Variants in CNTNAP1 observed in about 807,000 individuals in gnomAD.
CNTNAP1 encodes the protein contactin-associated protein 1.
A neutral mutation model predicts 161.5 loss-of-function variants in CNTNAP1; 80 were observed. That is an observed-to-expected ratio of 0.50 (90% CI 0.41 to 0.60). The LOEUF is 0.60. CNTNAP1 is among the 20% of genes least tolerant of loss of function. CNTNAP1 has a pLI of 0.00. For missense variants in CNTNAP1, 1,464 were observed against 1,854.8 expected (o/e 0.79, Z 3.87); for synonymous variants, 695 against 733.1 (o/e 0.95, Z 0.84).
chr17:42,684,885 A>G, intron 3 of CNTNAP1, 106 bp from the exon 4 acceptor site: 2 of 1,318,714 alleles, frequency 1.5e-6, no homozygotes, highest in Non-Finnish European at 1.0e-6. Context: ...AGATCGTACC[A>G]CCGCACTCCA....
chr17:42,697,456 T>C (rs2053165733), intron 21 of CNTNAP1, 89 bp downstream of exon 21: 2 of 1,606,240 alleles, frequency 1.2e-6, no homozygotes, highest in Non-Finnish European at 1.7e-6. Flanking sequence ...TGGGAATGGC[T>C]GAGGGCAGTG....
chr17:42,684,594 TG>T (rs2052980597), intron 3 of CNTNAP1, among the ~76,000 whole-genome samples: 1 of 151,968 alleles, frequency 6.6e-6, no homozygotes, highest in Non-Finnish European at 1.5e-5. Flanking sequence ...CGAGATTGGC[TG>T]GGTGTGAAAG....
chr17:42,687,759 C>G lies in CNTNAP1; in HGVS notation c.1084C>G (p.Pro362Ala), dbSNP rs2053035779. ...AFRCLDPVPH[P>A]INFGGPHNFV... Reference sequence around the variant, plus strand: ...TCGTTGCCTGGACCCGGTACCGCACCCTATCAACTTCGGAGGCCCTCACAA... The same window carrying G: ...TCGTTGCCTGGACCCGGTACCGCACGCTATCAACTTCGGAGGCCCTCACAA... Residue 362 changes from proline (P) to alanine (A), a missense_variant, in exon 8 of 24, where the codon CCT becomes GCT. Physicochemically the swap from Pro to Ala is conservative, Grantham distance 27. This residue lies in a region of CNTNAP1 where 1,383 missense variants were observed against 1,765.0 expected (regional missense o/e 0.78). Coordinates refer to ENST00000264638, the MANE Select transcript of CNTNAP1 (RefSeq NM_003632.3). The surrounding 1 kb of genome is among the most constrained non-coding windows in gnomAD (Gnocchi z 4.7). 4 of 1,614,074 alleles carry G rather than the reference C, an allele frequency of 2.5e-6. No homozygotes were observed. The highest frequency in any genetic ancestry group is 1.3e-5 in the African/African-American group (1 of 74,928).
At position 42,697,584 on chromosome 17, in the gene CNTNAP1, G is replaced by A. The variant is rs763880701; in HGVS notation, c.3599G>A (p.Arg1200His). The A allele has an allele frequency of 5.6e-6, 9 of 1,613,930 alleles. No homozygotes were observed. Among genetic ancestry groups the A allele is most frequent in the African/African-American group, 1.3e-5 (1 of 74,852 alleles). Residue 1200 changes from arginine (R) to histidine (H), a missense_variant, in exon 22 of 24, where the codon CGC becomes CAC. Transcript: ENST00000264638. ...ETGVIDPEIQ[R>H]YNTPGFSGCL... ...GGAGTCATTGACCCGGAGATCCAGC[G>A]CTACAACACCCCAGGTTTCTCAGGC... is the stretch of plus-strand genomic sequence containing the variant.
chr17:42,695,370 G>A, intron 18 of CNTNAP1, 151 bp from the exon 19 acceptor site: 1 of 644,808 alleles, frequency 1.6e-6, no homozygotes, highest in Non-Finnish European at 2.7e-6. Flanking sequence ...TTCTGTGACA[G>A]AGGGGCTCAA....
chr17:42,699,679 G>C lies in CNTNAP1; in HGVS notation c.*769G>C, dbSNP rs1356080279. The stretch of plus-strand genomic sequence containing the variant: ...AGGAACCCTCTTTCCTCCGCTCAGA[G>C]ATGCTGCTTCATTTACCCAGGAGGT... On this transcript the variant is annotated 3_prime_UTR_variant, in exon 24 of 24. Transcript: ENST00000264638. 1 of 152,802 alleles carries C rather than the reference G, an allele frequency of 6.5e-6. No individual in the cohort carries two copies. The highest frequency in any genetic ancestry group is 1.9e-4 in the East Asian group (1 of 5,334). 9.5% of individuals were successfully genotyped at this position (152,802 alleles called of 1,614,324 possible).
In CNTNAP1 at chr17:42,688,403, C is replaced by T. The variant is rs1007980045; in HGVS notation, c.1307-59C>T. 5 of 1,610,464 alleles carry T rather than the reference C, an allele frequency of 3.1e-6. No homozygotes were observed. In the African/African-American group the frequency reaches 6.7e-5, roughly 22 times the overall value. ...GGGGCTGCTGCTTCCCCACTCAGAA[C>T]ATTCTTCTACCCTAGTTGCTGCTTC... On this transcript the variant is annotated intron_variant, in intron 8 of 23. Transcript: ENST00000264638.
At chr17:42,693,031 A>G (rs1029621686) in intron 17 of CNTNAP1, among the ~76,000 whole-genome samples, 6 of 142,368 alleles carry the variant, frequency 4.2e-5, no homozygotes, top group African/African-American at 1.3e-4. Flanking sequence ...ATCTCGGCCC[A>G]CTGCAAGCTC....
intron 8 of CNTNAP1, among the ~76,000 whole-genome samples, 177 bp downstream of exon 8, chr17:42,688,158 C>T (rs1002801847): frequency 6.6e-6 from 1 of 152,024 alleles, no homozygotes; most frequent in Non-Finnish European, 1.5e-5. Flanking sequence ...AGTGAGGAGG[C>T]GAATCTGAGG....
intron 16 of CNTNAP1, 75 bp from the exon 17 acceptor site, chr17:42,692,424 A>T: frequency 8.1e-7 from 1 of 1,233,206 alleles, no homozygotes; most frequent in Non-Finnish European, 1.2e-6. Context: ...GAAAGAGGTT[A>T]TATTGGGCAA....
At chr17:42,686,209 C>T in intron 6 of CNTNAP1, 68 bp downstream of exon 6, 1 of 1,479,594 alleles carries the variant, frequency 6.8e-7, no homozygotes, top group Non-Finnish European at 9.4e-7. Context: ...AGGTCGGTCT[C>T]TCCCTTTCTC....
At position 42,697,783 on chromosome 17, in the gene CNTNAP1, C is replaced by T; in HGVS notation, c.3798C>T (p.Pro1266=). 1.2e-6 allele frequency: 2 copies of T among 1,614,198 alleles called. No individual in the cohort carries two copies. Among genetic ancestry groups the T allele is most frequent in the South Asian group, 1.1e-5 (1 of 91,090 alleles). ...CAGAGGTGCCACCTGAGCTTGATCC[C>T]TGGTATCTGCCCCCAGGTACATTCC... ...LVSEVPPELD[P]WYLPPDFPYY... The change falls in exon 22 of 24, where the codon CCC becomes CCT. Residue 1266 remains proline (P), a synonymous_variant. Transcript: ENST00000264638.
Position 42,687,013 on chromosome 17 carries a change from G to C in CNTNAP1, c.1011G>C (p.Leu337=). 6.2e-7 allele frequency: 1 copy of C among 1,613,872 alleles called. No individual in the cohort carries two copies. The highest frequency in any genetic ancestry group is 8.5e-7 in the Non-Finnish European group (1 of 1,179,824). The change falls in exon 7 of 24, where the codon CTG becomes CTC. Residue 337 remains leucine (L), a synonymous_variant. Coordinates refer to ENST00000264638, the MANE Select transcript of CNTNAP1 (RefSeq NM_003632.3). This position sits in a 1 kb window ranked among gnomAD's most constrained non-coding sequence, Gnocchi z 4.7. ...VIFNRVNIAD[L]AVRRHSRITF... The stretch of plus-strand genomic sequence containing the variant: ...TCAACCGCGTCAACATCGCAGACCT[G>C]GCCGTGCGGCGCCATTCCCGGATCA...
intron 6 of CNTNAP1, 70 bp from the exon 7 acceptor site, chr17:42,686,833 G>A (rs949830381): frequency 1.0e-5 from 15 of 1,505,366 alleles, no homozygotes; most frequent in Non-Finnish European, 1.3e-5. Flanking sequence ...GAAAGCATAC[G>A]GCGGGGACGC....
intron 10 of CNTNAP1, 40 bp from the exon 11 acceptor site, chr17:42,689,481 C>A: frequency 6.6e-7 from 1 of 1,522,226 alleles, no homozygotes; most frequent in Non-Finnish European, 9.1e-7. Context: ...TCTCCAGCTC[C>A]CAGTAAGGCT....
Position 42,697,323 on chromosome 17 carries a change from G to C in CNTNAP1, c.3524G>C (p.Ser1175Thr), listed in dbSNP as rs2053164134. The C allele has an allele frequency of 2.5e-6, 4 of 1,614,026 alleles. No individual in the cohort carries two copies. The highest frequency in any genetic ancestry group is 3.4e-6 in the Non-Finnish European group (4 of 1,180,016). Reference sequence around the variant, plus strand: ...CAGAAGTTCTCGCTGTTGGTGGACAGCCAGTTGGACTCACCCAAGGCCTTG... The same window carrying C: ...CAGAAGTTCTCGCTGTTGGTGGACACCCAGTTGGACTCACCCAAGGCCTTG... The part of the protein sequence containing the change: ...TEQKFSLLVD[S>T]QLDSPKALYL... The change falls in exon 21 of 24, where the codon AGC becomes ACC. Residue 1175 changes from serine (S) to threonine (T), a missense_variant. By Grantham distance (58) the Ser-to-Thr change is moderately conservative. Transcript: ENST00000264638.
chr17:42,689,143 T>C (rs2053054897), intron 10 of CNTNAP1, 96 bp downstream of exon 10: 1 of 1,257,226 alleles, frequency 8.0e-7, no homozygotes, highest in Admixed American at 2.5e-5. Context: ...CCCTTCTCCT[T>C]GTCTCTGCTC....
rs1240018828 is a variant in CNTNAP1, at chr17:42,692,063, G to A, written c.2530+72G>A. 13 of 1,522,310 alleles carry A rather than the reference G, an allele frequency of 8.5e-6. No homozygotes were observed. In the East Asian group the frequency reaches 2.3e-4, roughly 26 times the overall value. The allele number at this position is 1,522,310 out of a possible 1,614,324, so 94.3% of individuals were successfully genotyped here. A position where few individuals can be genotyped will look rare whatever the true frequency, so the allele number is the denominator to read the frequency against. Reference sequence around the variant, plus strand: ...GTCTGGGGAGACAGGGGTAGGCTGGGGTTGGAGCCAAGGGCAGATGCCCTT... The same window carrying A: ...GTCTGGGGAGACAGGGGTAGGCTGGAGTTGGAGCCAAGGGCAGATGCCCTT... On this transcript the variant is annotated intron_variant, in intron 16 of 23. Transcript: ENST00000264638.
chr17:42,685,380 C>T lies in CNTNAP1; in HGVS notation c.675C>T (p.Leu225=), dbSNP rs773203084. 4 of 1,605,864 alleles carry T rather than the reference C, an allele frequency of 2.5e-6. No homozygotes were observed. The highest frequency in any genetic ancestry group is 4.5e-5 in the East Asian group (2 of 44,878). The change falls in exon 5 of 24, where the codon CTC becomes CTT. Residue 225 remains leucine, a synonymous_variant. Transcript: ENST00000264638. This position sits in a 1 kb window ranked among gnomAD's most constrained non-coding sequence, Gnocchi z 5.0. ...AEGAQGDYVT[L]ELEGAHLLLH... is the part of the protein sequence containing the mutation. ...GCGCCCAGGGCGACTACGTGACGCT[C>T]GAGCTGGAGGGGGCACACCTGCTGC...
Sources: allele counts gnomAD v4.1 joint callset (sites outside exome capture counted in the v4.1 genomes callset), GRCh38; gene constraint gnomAD v4.1.1; regional missense constraint gnomAD v4.1.1; non-coding constraint Gnocchi (gnomAD v3.1); transcripts MANE v1.5; gene names NCBI Gene and HGNC (gene_info 2026-07-23, HGNC 2026-07-21).